Variants in SLC35F1 observed in about 807,000 individuals in gnomAD.
SLC35F1 encodes solute carrier family 35 member F1, also known as chromosome 6 open reading frame 169.
In SLC35F1, 14 loss-of-function variants were observed where a neutral mutation model predicts 48.7. The ratio of observed to expected loss-of-function variants is 0.29; its 90% CI spans 0.19 to 0.45. The LOEUF (loss-of-function observed/expected upper bound fraction) is 0.45. SLC35F1 is among the 20% of genes least tolerant of loss of function. The pLI, the probability that SLC35F1 is intolerant of heterozygous loss-of-function variation, is 1.00. For missense variants in SLC35F1, 404 were observed against 500.0 expected, an observed-to-expected ratio of 0.81 and a Z score of 1.83; for synonymous variants, 190 against 202.2, an observed-to-expected ratio of 0.94 and a Z score of 0.51.
chr6:118,184,824 C>T (rs975400428), intron 2 of SLC35F1, among the ~76,000 whole-genome samples: 1 of 152,158 alleles, frequency 6.6e-6, no homozygotes, highest in Non-Finnish European at 1.5e-5. Context: ...AGGAAGAAAA[C>T]TTCACCTCAG....
chr6:118,254,454 G>C (rs1176863204), intron 3 of SLC35F1, among the ~76,000 whole-genome samples: 1 of 151,930 alleles, frequency 6.6e-6, no homozygotes, highest in Non-Finnish European at 1.5e-5. Context: ...GCTTATTTTC[G>C]TATTGTTTGT....
chr6:117,997,149 C>A (rs563669626), intron 1 of SLC35F1, among the ~76,000 whole-genome samples: 5 of 151,798 alleles, frequency 3.3e-5, no homozygotes, highest in Non-Finnish European at 7.4e-5. Flanking sequence ...GCAGCTGATG[C>A]GATCAACTGG....
intron 1 of SLC35F1, among the ~76,000 whole-genome samples, chr6:118,117,790 G>A (rs559651190): frequency 1.3e-5 from 2 of 152,212 alleles, no homozygotes; most frequent in African/African-American, 4.8e-5. Flanking sequence ...TGTCACTATA[G>A]TTTGACCTTT....
chr6:117,993,009 T>A (rs1228784025), intron 1 of SLC35F1, among the ~76,000 whole-genome samples: 1 of 152,226 alleles, frequency 6.6e-6, no homozygotes, highest in African/African-American at 2.4e-5. Context: ...CAACCATTCA[T>A]GCAAAGAAAG....
chr6:118,154,713 AG>A, intron 2 of SLC35F1, 93 bp downstream of exon 2: 1 of 1,256,260 alleles, frequency 8.0e-7, no homozygotes, highest in East Asian at 2.4e-5. Context: ...CTTAAGCATC[AG>A]TTAAGATCAT....
At chr6:118,071,601 T>C (rs772917549) in intron 1 of SLC35F1, among the ~76,000 whole-genome samples, 9 of 152,094 alleles carry the variant, frequency 5.9e-5, no homozygotes, top group Non-Finnish European at 1.3e-4. Flanking sequence ...TTTTTCCCCC[T>C]AGAGCACATC....
intron 7 of SLC35F1, among the ~76,000 whole-genome samples, chr6:118,287,298 C>T (rs1335126406): frequency 6.6e-6 from 1 of 152,200 alleles, no homozygotes; most frequent in Non-Finnish European, 1.5e-5. Flanking sequence ...TTCTTCTCTC[C>T]TCTTCAGTTA....
intron 1 of SLC35F1, among the ~76,000 whole-genome samples, chr6:118,049,466 T>C (rs557028489): frequency 2.7e-3 from 409 of 152,078 alleles, no homozygotes; most frequent in Non-Finnish European, 4.3e-3. Context: ...ACCTACTCAT[T>C]TGACAAAGGG....
intron 1 of SLC35F1, among the ~76,000 whole-genome samples, chr6:118,150,017 A>G (rs1222042596): frequency 6.6e-6 from 1 of 152,172 alleles, no homozygotes; most frequent in Non-Finnish European, 1.5e-5. Flanking sequence ...ATAATAATTA[A>G]AAAGTTGAGA....
intron 1 of SLC35F1, among the ~76,000 whole-genome samples, chr6:117,965,992 C>T (rs760955585): frequency 7.7e-5 from 11 of 143,216 alleles, no homozygotes; most frequent in Non-Finnish European, 1.3e-4. Flanking sequence ...CCAGTCAGCA[C>T]TCTGTCAAAA....
At chr6:118,127,629 C>G (rs1773646606) in intron 1 of SLC35F1, among the ~76,000 whole-genome samples, 2 of 151,858 alleles carry the variant, frequency 1.3e-5, no homozygotes, top group African/African-American at 2.4e-5. Context: ...GAAACTGGAT[C>G]CCTTCCTTAC....
chr6:118,215,071 T>C (rs1433201380), intron 2 of SLC35F1, among the ~76,000 whole-genome samples: 1 of 152,144 alleles, frequency 6.6e-6, no homozygotes, highest in African/African-American at 2.4e-5. Context: ...CAAAGGAGAA[T>C]CTTAGCCTCT....
At chr6:118,032,563 T>TAG (rs1484129136) in intron 1 of SLC35F1, among the ~76,000 whole-genome samples, 1 of 152,172 alleles carries the variant, frequency 6.6e-6, no homozygotes, top group African/African-American at 2.4e-5. Context: ...GTAGAAAAAA[T>TAG]AATAGTAATG....
chr6:118,281,202 CTCTA>C (rs55792379), intron 6 of SLC35F1, among the ~76,000 whole-genome samples: 4,724 of 127,188 alleles, frequency 0.037, 70 homozygotes, highest in Middle Eastern at 0.1. Flanking sequence ...CTCTCTCTCT[CTCTA>C]TATATATATA....
chr6:118,182,319 A>C (rs967743725), intron 2 of SLC35F1, among the ~76,000 whole-genome samples: 1 of 151,932 alleles, frequency 6.6e-6, no homozygotes, highest in South Asian at 2.1e-4. Context: ...CAAATAAAAA[A>C]GAAAAATTTT....
intron 1 of SLC35F1, among the ~76,000 whole-genome samples, chr6:117,994,007 GA>G (rs879584729): frequency 3.9e-5 from 6 of 152,174 alleles, no homozygotes; most frequent in Admixed American, 3.9e-4. Flanking sequence ...TCAAGAGACA[GA>G]AATCAAAGTG....
intron 1 of SLC35F1, among the ~76,000 whole-genome samples, chr6:118,078,204 G>T (rs1772850211): frequency 6.6e-6 from 1 of 152,044 alleles, no homozygotes; most frequent in Non-Finnish European, 1.5e-5. Context: ...AAAGTTTATA[G>T]AAATAACGTA....
At chr6:118,300,495 T>C (rs1397074628) in intron 7 of SLC35F1, among the ~76,000 whole-genome samples, 1 of 152,182 alleles carries the variant, frequency 6.6e-6, no homozygotes, top group South Asian at 2.1e-4. Flanking sequence ...CTTTTACCCA[T>C]TTTTATAATC....
chr6:118,151,075 A>C (rs994889637), intron 1 of SLC35F1, among the ~76,000 whole-genome samples: 2 of 152,148 alleles, frequency 1.3e-5, no homozygotes, highest in East Asian at 3.9e-4. Context: ...TCAGTATTAC[A>C]ACTATTCAAT....
Sources: gnomAD v4.1 joint callset for allele counts (sites outside exome capture counted in the v4.1 genomes callset) on GRCh38, gnomAD v4.1.1 for gene constraint, MANE v1.5 for transcripts, NCBI Gene and HGNC (gene_info 2026-07-23, HGNC 2026-07-21) for gene names.